Variants in ZNF423 observed in about 807,000 individuals in gnomAD.
ZNF423 encodes the protein Ebf-associated zinc finger protein.
A neutral mutation model predicts 95.8 loss-of-function variants in ZNF423; 12 were observed. The observed-to-expected ratio is 0.13, with a 90% CI of 0.08 to 0.20. The LOEUF is 0.20. ZNF423 is among the 10% of genes least tolerant of loss of function. The pLI is 1.00. For missense variants in ZNF423, 1,316 were observed against 1,737.1 expected, an observed-to-expected ratio of 0.76 and a Z score of 4.31; for synonymous variants, 749 against 711.9, an observed-to-expected ratio of 1.05 and a Z score of -0.83.
chr16:49,659,150 G>A (rs1365841904), intron 3 of ZNF423, among the ~76,000 whole-genome samples: 3 of 152,296 alleles, frequency 2.0e-5, no homozygotes, highest in Admixed American at 6.5e-5. Context: ...GTGCAGTGGC[G>A]CAATCATAGC....
chr16:49,857,806 T>G (rs1473824791), upstream of ZNF423: 1 of 152,280 alleles, frequency 6.6e-6, no homozygotes, highest in East Asian at 1.9e-4. This position sits in a 1 kb window ranked among gnomAD's most constrained non-coding sequence, Gnocchi z 6.2. Flanking sequence ...CAGCTGCTAC[T>G]TTCTGCGAGG....
At chr16:49,694,005 T>C (rs918636525) in intron 3 of ZNF423, among the ~76,000 whole-genome samples, 1 of 152,212 alleles carries the variant, frequency 6.6e-6, no homozygotes, top group Admixed American at 6.5e-5. Flanking sequence ...GTCAAGCTCA[T>C]AGTCAGTGTC....
chr16:49,582,663 C>T (rs1271763414), intron 5 of ZNF423, among the ~76,000 whole-genome samples: 1 of 152,106 alleles, frequency 6.6e-6, no homozygotes, highest in Non-Finnish European at 1.5e-5. Context: ...AGGTGGCTTC[C>T]AGGCAGTGGA....
At chr16:49,699,611 T>C (rs913561775) in intron 3 of ZNF423, among the ~76,000 whole-genome samples, 1 of 152,226 alleles carries the variant, frequency 6.6e-6, no homozygotes, top group African/African-American at 2.4e-5. Flanking sequence ...TCATGTCCTC[T>C]TTCCCAGAGG....
intron 5 of ZNF423, among the ~76,000 whole-genome samples, chr16:49,580,628 C>A (rs889695956): frequency 6.6e-6 from 1 of 152,186 alleles, no homozygotes; most frequent in African/African-American, 2.4e-5. Context: ...TTCTTCCAAC[C>A]TGTGATGCAT....
chr16:49,769,103 C>T (rs1476512241), intron 2 of ZNF423, among the ~76,000 whole-genome samples: 1 of 152,190 alleles, frequency 6.6e-6, no homozygotes, highest in African/African-American at 2.4e-5. Flanking sequence ...TGCCTGTAAT[C>T]CCAGCACTTT....
At chr16:49,779,620 G>A (rs372862936) in intron 2 of ZNF423, among the ~76,000 whole-genome samples, 6 of 152,202 alleles carry the variant, frequency 3.9e-5, no homozygotes, top group African/African-American at 1.2e-4. Flanking sequence ...AATGCATGAG[G>A]AGTTATGCCA....
intron 1 of ZNF423, among the ~76,000 whole-genome samples, chr16:49,793,622 G>A (rs1325402215): frequency 1.2e-4 from 18 of 152,142 alleles, no homozygotes; most frequent in Admixed American, 1.2e-3. Context: ...GGGTGGCCAG[G>A]GTGTGCCCAC....
At chr16:49,728,900 T>C (rs1237443419) in intron 3 of ZNF423, among the ~76,000 whole-genome samples, 2 of 152,066 alleles carry the variant, frequency 1.3e-5, no homozygotes, top group African/African-American at 2.4e-5. Flanking sequence ...GCCTGGGTAA[T>C]TTTTGTATTT....
At position 49,636,492 on chromosome 16, in the gene ZNF423, C is replaced by G; in HGVS notation, c.2684G>C (p.Gly895Ala). The G allele has an allele frequency of 1.2e-6, 2 of 1,613,706 alleles. No individual in the cohort carries two copies. The highest frequency in any genetic ancestry group is 1.7e-6 in the Non-Finnish European group (2 of 1,180,032). The change falls in exon 4 of 8, where the codon GGC (glycine) becomes GCC (alanine). Residue 895 changes from glycine (G) to alanine (A), a missense_variant. Transcript: ENST00000563137. The surrounding 1 kb of genome is among the most constrained non-coding windows in gnomAD (Gnocchi z 8.6). ...DDVDASEPMY[G>A]CDICGAAYTM... ...GTAGGCCGCCCCACAGATGTCACAG[C>G]CGTACATGGGCTCCGACGCGTCCAC...
chr16:49,766,456 T>C (rs1437983058), intron 2 of ZNF423, among the ~76,000 whole-genome samples: 1 of 152,232 alleles, frequency 6.6e-6, no homozygotes, highest in African/African-American at 2.4e-5. Context: ...GAGGGAGACC[T>C]GATGCCACAG....
chr16:49,536,629 T>C (rs1012707328), intron 5 of ZNF423, among the ~76,000 whole-genome samples: 21 of 152,214 alleles, frequency 1.4e-4, no homozygotes, highest in African/African-American at 5.1e-4. Flanking sequence ...AGAGATGGGA[T>C]CTTGCTATCT....
At chr16:49,509,564 T>C (rs1967797301) in intron 7 of ZNF423, among the ~76,000 whole-genome samples, 1 of 152,162 alleles carries the variant, frequency 6.6e-6, no homozygotes, top group African/African-American at 2.4e-5. Context: ...AATTTCTTTG[T>C]AAATGTCATT....
At chr16:49,592,364 G>A (rs1971036463) in intron 5 of ZNF423, among the ~76,000 whole-genome samples, 1 of 152,138 alleles carries the variant, frequency 6.6e-6, no homozygotes. Context: ...AACAGGAGGG[G>A]CAGTTCAGCT....
chr16:49,586,437 G>T (rs1311174398), intron 5 of ZNF423, among the ~76,000 whole-genome samples: 1 of 152,234 alleles, frequency 6.6e-6, no homozygotes, highest in Non-Finnish European at 1.5e-5. Context: ...TTTAGGAAGA[G>T]TCAAGCCCCT....
rs1274506230 is a variant in ZNF423 at position 49,600,941 on chromosome 16, CG to C, written c.3601+25228del. ...TCAGCTGCCTTACTGAGGGGGTTCT[CG>C]GGTGGATGCATCATCGGAGAATTTC... On this transcript the variant is annotated intron_variant, in intron 5 of 7. Coordinates refer to ENST00000563137, the MANE Select transcript of ZNF423 (RefSeq NM_001379286.1). Among the ~76,000 whole-genome samples, 10 of 152,038 alleles carry C rather than the reference CG, an allele frequency of 6.6e-5. No homozygotes were observed. In the East Asian group the frequency reaches 1.9e-3, roughly 29 times the overall value.
intron 3 of ZNF423, among the ~76,000 whole-genome samples, chr16:49,644,806 G>A (rs72793570): frequency 0.012 from 1,804 of 151,492 alleles, 37 homozygotes; most frequent in African/African-American, 0.041. Context: ...CTGCAGGGTC[G>A]CCTGGGTGCA....
intron 2 of ZNF423, among the ~76,000 whole-genome samples, chr16:49,779,214 G>A (rs2034169863): frequency 6.6e-6 from 1 of 151,994 alleles, no homozygotes; most frequent in African/African-American, 2.4e-5. Context: ...CTAGGAGTGA[G>A]CAGAGCATCA....
intron 5 of ZNF423, 73 bp from the exon 6 acceptor site, chr16:49,525,567 C>G: frequency 6.3e-7 from 1 of 1,591,820 alleles, no homozygotes; most frequent in Admixed American, 1.7e-5. Flanking sequence ...CAAGGCCTCC[C>G]ATAGACCCCA....
Sources: gnomAD v4.1 joint callset for allele counts (sites outside exome capture counted in the v4.1 genomes callset) on GRCh38, gnomAD v4.1.1 for gene constraint, Gnocchi (gnomAD v3.1) non-coding constraint, MANE v1.5 for transcripts, NCBI Gene and HGNC (gene_info 2026-07-23, HGNC 2026-07-21) for gene names.